The following ERBB2 variants were observed in gnomAD, a reference collection of about 807,000 sequenced individuals.
ERBB2 encodes the protein erb-b2 receptor tyrosine kinase 2.
ERBB2 carries 61 observed loss-of-function variants against 149.0 expected under a neutral mutation model. The ratio of observed to expected loss-of-function variants is 0.41; its 90% CI spans 0.33 to 0.51. The LOEUF is 0.51. ERBB2 is among the 20% of genes least tolerant of loss of function. The probability of loss-of-function intolerance (pLI) is 0.25; values close to 1 mark genes in which losing one functional copy is unlikely to be tolerated. For missense variants in ERBB2, 1,205 were observed against 1,655.1 expected (o/e 0.73, Z 4.72); for synonymous variants, 633 against 678.8 (o/e 0.93, Z 1.05).
At chr17:39,710,311 C>T (rs1169233043) in intron 6 of ERBB2, 29 bp from the exon 7 acceptor site, 1 of 1,613,972 alleles carries the variant, frequency 6.2e-7, no homozygotes, top group South Asian at 1.1e-5. Flanking sequence ...CAAAACAGCA[C>T]AGTGAAAGCC....
At position 39,712,138 on chromosome 17, in the gene ERBB2, G is replaced by T. The variant is rs755305335; in HGVS notation, c.1021+91G>T. On this transcript the variant is annotated intron_variant, in intron 8 of 26. Coordinates refer to ENST00000269571, the MANE Select transcript of ERBB2 (RefSeq NM_004448.4). ...GCCCACCCTGTCCTATCCTTCCTCA[G>T]ACCCTCTTGGGACCTAGTCTCTGCC... 20 of 1,591,706 alleles carry T rather than the reference G, an allele frequency of 1.3e-5. No individual in the cohort carries two copies. In the African/African-American group the frequency reaches 2.7e-4, roughly 21 times the overall value.
intron 16 of ERBB2, among the ~76,000 whole-genome samples, chr17:39,722,848 C>T (rs937773368): frequency 9.2e-5 from 14 of 152,030 alleles, no homozygotes; most frequent in Non-Finnish European, 2.1e-4. Flanking sequence ...TCCCAAGTAG[C>T]TGGGATTACA....
At position 39,725,010 on chromosome 17, in the gene ERBB2, G is replaced by A. The variant is rs1418178831; in HGVS notation, c.2494-39G>A. 2 of 1,612,312 alleles carry A rather than the reference G, an allele frequency of 1.2e-6. No individual in the cohort carries two copies. Among genetic ancestry groups the A allele is most frequent in the East Asian group, 2.2e-5 (1 of 44,856 alleles). On this transcript the variant is annotated intron_variant, in intron 20 of 26. Coordinates refer to ENST00000269571, the MANE Select transcript of ERBB2 (RefSeq NM_004448.4). The surrounding 1 kb of genome is among the most constrained non-coding windows in gnomAD (Gnocchi z 4.6). Reference sequence around the variant, plus strand: ...TTGCTGGGCATGTGGCCAGGCCCAGGCCCTCCCAGAAGGTCTACATGGGTG... The same window carrying A: ...TTGCTGGGCATGTGGCCAGGCCCAGACCCTCCCAGAAGGTCTACATGGGTG...
chr17:39,707,346 G>A (rs1384418721), intron 2 of ERBB2: 4 of 462,030 alleles, frequency 8.7e-6, no homozygotes, highest in Non-Finnish European at 1.5e-5. Flanking sequence ...GCTGGCCGAG[G>A]TCATGTCTGG....
chr17:39,719,710 G>T (rs1034970635), intron 15 of ERBB2, 77 bp from the exon 16 acceptor site: 22 of 1,452,686 alleles, frequency 1.5e-5, no homozygotes, highest in Admixed American at 3.3e-5. Context: ...ACCCCTCCCA[G>T]GGTTGTTGTG....
chr17:39,700,512 A>G (rs1057110107), intron 1 of ERBB2, among the ~76,000 whole-genome samples: 1 of 152,204 alleles, frequency 6.6e-6, no homozygotes, highest in African/African-American at 2.4e-5. Context: ...GCGGCTCGAG[A>G]TGGCCCATCC....
upstream of ERBB2, among the ~76,000 whole-genome samples, chr17:39,693,948 G>A (rs939864296): frequency 6.7e-6 from 1 of 149,310 alleles, no homozygotes; most frequent in Non-Finnish European, 1.5e-5. Context: ...CACTTTGGGA[G>A]GCCGAGGTGG....
chr17:39,694,243 A>ATGTG (rs1555612000), upstream of ERBB2, among the ~76,000 whole-genome samples: 147 of 32,548 alleles, frequency 4.5e-3, 5 homozygotes, highest in Non-Finnish European at 7.6e-3. Context: ...ATATATATAT[A>ATGTG]TATATATATA....
At chr17:39,695,342 G>C (rs917504536), upstream of ERBB2, among the ~76,000 whole-genome samples, 6 of 152,144 alleles carry the variant, frequency 3.9e-5, no homozygotes, top group African/African-American at 1.4e-4. Flanking sequence ...TGCTGTCCTG[G>C]AGACTAGGGC....
chr17:39,689,862 C>T (rs988766997), intron 2 of ERBB2, among the ~76,000 whole-genome samples: 6 of 148,740 alleles, frequency 4.0e-5, no homozygotes, highest in East Asian at 2.0e-4. Flanking sequence ...GCCAAGATTG[C>T]GCCATCGCAC....
chr17:39,702,684 A>G (rs927554478), intron 1 of ERBB2, among the ~76,000 whole-genome samples: 4 of 152,250 alleles, frequency 2.6e-5, no homozygotes, highest in African/African-American at 7.2e-5. Flanking sequence ...GGGATTACCC[A>G]TATTCCTGCT....
At chr17:39,697,341 G>GTT (rs1313244019), upstream of ERBB2, among the ~76,000 whole-genome samples, 195 of 137,778 alleles carry the variant, frequency 1.4e-3, 1 homozygote, top group Middle Eastern at 3.6e-3. Context: ...TGCTAGGGTT[G>GTT]TTTTTTTGTT....
Position 39,726,088 on chromosome 17 carries a change from C to G in ERBB2, c.2872+235C>G. 2.0e-6 allele frequency: 1 copy of G among 506,574 alleles called. No individual in the cohort carries two copies. 31.4% of individuals were successfully genotyped at this position (506,574 alleles called of 1,614,324 possible). On this transcript the variant is annotated intron_variant, in intron 23 of 26. Coordinates refer to ENST00000269571, the MANE Select transcript of ERBB2 (RefSeq NM_004448.4). This position sits in a 1 kb window ranked among gnomAD's most constrained non-coding sequence, Gnocchi z 5.1. ...GTGGCTCATGCCTGTAATCCCAGTA[C>G]TTTTGGAGGCTGAGGTGGGAGGATC...
In ERBB2 at chr17:39,712,061, G is replaced by GC. The variant is rs1480969744; in HGVS notation, c.1021+19dup. ...CCTGTGCCCGAGGTACCCACTCACT[G>GC]CCCCCGAGGCCAGCTGCAGTTCCTG... is the stretch of plus-strand genomic sequence containing the variant. On this transcript the variant is annotated intron_variant, in intron 8 of 26. Coordinates refer to ENST00000269571, the MANE Select transcript of ERBB2 (RefSeq NM_004448.4). 1.2e-6 allele frequency: 2 copies of GC among 1,613,564 alleles called. No homozygotes were observed. The highest frequency in any genetic ancestry group is 1.3e-5 in the African/African-American group (1 of 74,922).
At chr17:39,693,765 AAATAATAATAATAATAAT>A (rs71355408), upstream of ERBB2, among the ~76,000 whole-genome samples, 7 of 143,446 alleles carry the variant, frequency 4.9e-5, no homozygotes, top group East Asian at 2.0e-4. Flanking sequence ...CTCGAAAATA[AAATAATAATAATAATAAT>A]AATAATAATA....
Position 39,707,016 on chromosome 17 carries a change from C to T in ERBB2, c.100C>T (p.Arg34Trp), listed in dbSNP as rs149937802. 9.5e-5 allele frequency: 152 copies of T among 1,595,412 alleles called. No homozygotes were observed. Among genetic ancestry groups the T allele is most frequent in the Non-Finnish European group, 1.2e-4 (139 of 1,171,028 alleles). ...QVCTGTDMKL[R>W]LPASPETHLD... ...GTGCACCGGCACAGACATGAAGCTG[C>T]GGCTCCCTGCCAGTCCCGAGACCCA... Residue 34 changes from arginine (R) to tryptophan (W), a missense_variant, in exon 2 of 27, where the codon CGG becomes TGG. By Grantham distance (101) the Arg-to-Trp change is moderately radical (BLOSUM62 -3). Transcript: ENST00000269571.
In ERBB2 at chr17:39,725,858, G is replaced by A. The variant is rs765304293; in HGVS notation, c.2872+5G>A. On this transcript the variant is annotated splice_donor_5th_base_variant and intron_variant, in intron 23 of 26. Transcript: ENST00000269571. The surrounding 1 kb of genome is among the most constrained non-coding windows in gnomAD (Gnocchi z 4.6). ...TCTACATGATCATGGTCAAATGTGC[G>A]TGGCTGAGCTGTGCTGGCTGCCTGG... is the stretch of plus-strand genomic sequence containing the variant. 3.7e-6 allele frequency: 6 copies of A among 1,613,472 alleles called. No homozygotes were observed. The highest frequency in any genetic ancestry group is 5.1e-6 in the Non-Finnish European group (6 of 1,179,792).
At chr17:39,700,650 C>T (rs1322356707) in intron 1 of ERBB2, among the ~76,000 whole-genome samples, 1 of 152,174 alleles carries the variant, frequency 6.6e-6, no homozygotes. Flanking sequence ...TTCCCCCCTT[C>T]TTGAGCCCCC....
Position 39,723,267 on chromosome 17 carries a change from C to G in ERBB2, c.1947-52C>G, listed in dbSNP as rs2145798976. 1.5e-5 allele frequency: 20 copies of G among 1,339,796 alleles called. No homozygotes were observed. The highest frequency in any genetic ancestry group is 1.7e-5 in the Non-Finnish European group (16 of 963,248). The allele number at this position is 1,339,796 out of a possible 1,614,324, so 83.0% of individuals were successfully genotyped here. A position where few individuals can be genotyped will look rare whatever the true frequency, so the allele number is the denominator to read the frequency against. ...CATGTCCCCCGTGGGCCCCCTTTGT[C>G]CCTCCCACCCCAAACTAGCCCTCAA... On this transcript the variant is annotated intron_variant, in intron 16 of 26. Transcript: ENST00000269571. This position sits in a 1 kb window ranked among gnomAD's most constrained non-coding sequence, Gnocchi z 6.2.
Sources: allele counts gnomAD v4.1 joint callset (sites outside exome capture counted in the v4.1 genomes callset), GRCh38; gene constraint gnomAD v4.1.1; non-coding constraint Gnocchi (gnomAD v3.1); transcripts MANE v1.5; gene names NCBI Gene and HGNC (gene_info 2026-07-23, HGNC 2026-07-21).